PPAT: variants seen among roughly 807,000 people sequenced by gnomAD.
The protein encoded by PPAT is amidophosphoribosyltransferase.
A neutral mutation model predicts 60.2 loss-of-function variants in PPAT; 20 were observed. That is an observed-to-expected ratio of 0.33 (90% CI 0.23 to 0.48). The LOEUF (loss-of-function observed/expected upper bound fraction) is 0.48, where lower values mean the gene tolerates loss of function less well. Ranked by LOEUF, PPAT falls within the 20% of genes least tolerant of loss-of-function variation. The pLI is 0.99. For synonymous variants in PPAT, 194 were observed against 215.1 expected (o/e 0.90, Z 0.86); for missense variants, 349 against 629.6 (o/e 0.55, Z 4.77).
In PPAT at chr4:56,403,098, A is replaced by G. The variant is rs748374814; in HGVS notation, c.603T>C (p.Tyr201=). ...RDVIYAVRDP[Y]GNRPLCIGRL... is the part of the protein sequence containing the mutation. ...GACCAATGCATAAGGGACGATTTCC[A>G]TAAGGATCTCGTACTGCATAAATAA... Residue 201 remains tyrosine (Y), a synonymous_variant, in exon 5 of 11, where the codon TAT becomes TAC. Coordinates refer to ENST00000264220, the MANE Select transcript of PPAT (RefSeq NM_002703.5). The G allele has an allele frequency of 1.9e-6, 3 of 1,612,728 alleles. No individual in the cohort carries two copies. Among genetic ancestry groups the G allele is most frequent in the East Asian group, 2.2e-5 (1 of 44,846 alleles).
At chr4:56,401,650 TTCTTTATAATC>T (rs1716115001) in intron 6 of PPAT, among the ~76,000 whole-genome samples, 169 bp from the exon 7 acceptor site, 1 of 152,196 alleles carries the variant, frequency 6.6e-6, no homozygotes, top group Non-Finnish European at 1.5e-5. Flanking sequence ...CTGCAATGAT[TTCTTTATAATC>T]TCTCTGTAAA....
intron 1 of PPAT, among the ~76,000 whole-genome samples, chr4:56,434,941 G>A (rs891745936): frequency 2.0e-5 from 3 of 152,220 alleles, no homozygotes; most frequent in Admixed American, 6.5e-5. Context: ...TGAAGGACCT[G>A]GACTGGCCGC....
intron 1 of PPAT, chr4:56,421,832 T>TA (rs35295629): frequency 0.19 from 29,227 of 152,042 alleles, 3,147 homozygotes; most frequent in Admixed American, 0.33. Context: ...ATGATTCCAT[T>TA]AGTTATGTCA....
chr4:56,400,412 A>T (rs1716082885), intron 8 of PPAT: 1 of 158,492 alleles, frequency 6.3e-6, no homozygotes. Flanking sequence ...GTAGGTTATC[A>T]GTATTTAAGT....
At chr4:56,409,255 G>A (rs975796226) in intron 1 of PPAT, among the ~76,000 whole-genome samples, 1 of 152,158 alleles carries the variant, frequency 6.6e-6, no homozygotes, top group African/African-American at 2.4e-5. Flanking sequence ...GTGGTAGCCA[G>A]GATTCCAATG....
chr4:56,403,781 C>G (rs1716177336), intron 3 of PPAT, among the ~76,000 whole-genome samples: 1 of 152,116 alleles, frequency 6.6e-6, no homozygotes, highest in African/African-American at 2.4e-5. Context: ...TGATGGGAGA[C>G]AGTAACAGAT....
At chr4:56,416,872 T>C (rs1222425786) in intron 1 of PPAT, among the ~76,000 whole-genome samples, 1 of 152,184 alleles carries the variant, frequency 6.6e-6, no homozygotes, top group Non-Finnish European at 1.5e-5. Flanking sequence ...TCTTTTCTTT[T>C]CTAGTCTCAC....
At chr4:56,413,096 CAGG>C (rs1397583510) in intron 1 of PPAT, among the ~76,000 whole-genome samples, 1 of 152,074 alleles carries the variant, frequency 6.6e-6, no homozygotes, top group East Asian at 1.9e-4. Flanking sequence ...AGTACTGATT[CAGG>C]AGGATATAAT....
At position 56,396,506 on chromosome 4, in the gene PPAT, T is replaced by C; in HGVS notation, c.1357+113A>G. 4.7e-6 allele frequency: 5 copies of C among 1,064,322 alleles called. No individual in the cohort carries two copies. The highest frequency in any genetic ancestry group is 6.7e-6 in the Non-Finnish European group (5 of 747,684). 65.9% of individuals were successfully genotyped at this position (1,064,322 alleles called of 1,614,324 possible). A position where few individuals can be genotyped will look rare whatever the true frequency, so the allele number is the denominator to read the frequency against. On this transcript the variant is annotated intron_variant, in intron 10 of 10. Transcript: ENST00000264220. This position sits in a 1 kb window ranked among gnomAD's most constrained non-coding sequence, Gnocchi z 4.6. ...TAGTATTCAATATCTGTTTAACATA[T>C]ATAACTACTTTTAACAAACACTGAA...
chr4:56,429,826 T>C (rs1717489335), intron 1 of PPAT, among the ~76,000 whole-genome samples: 1 of 152,256 alleles, frequency 6.6e-6, no homozygotes, highest in Non-Finnish European at 1.5e-5. Context: ...CTATTCTCAC[T>C]TCTATCACCA....
At chr4:56,423,666 T>C (rs952788720) in intron 1 of PPAT, among the ~76,000 whole-genome samples, 4 of 151,930 alleles carry the variant, frequency 2.6e-5, no homozygotes, top group African/African-American at 9.7e-5. Flanking sequence ...CAAGTTTTTT[T>C]TTTTGTTTGG....
chr4:56,398,746 A>G (rs1716044189), intron 9 of PPAT, among the ~76,000 whole-genome samples: 1 of 152,164 alleles, frequency 6.6e-6, no homozygotes, highest in Non-Finnish European at 1.5e-5. Flanking sequence ...CACTGTGCCC[A>G]GCCTATTTTG....
chr4:56,429,046 A>AG, intron 1 of PPAT: 1 of 600,776 alleles, frequency 1.7e-6, no homozygotes, highest in Non-Finnish European at 2.1e-6. Context: ...ACACAGTGGA[A>AG]ACAACTTGTT....
intron 1 of PPAT, among the ~76,000 whole-genome samples, chr4:56,409,502 G>A (rs1327917285): frequency 6.6e-6 from 1 of 152,130 alleles, no homozygotes; most frequent in Non-Finnish European, 1.5e-5. Context: ...CTGCTGACCA[G>A]GCACCCTTTC....
At chr4:56,417,160 C>T (rs1443174627) in intron 1 of PPAT, among the ~76,000 whole-genome samples, 1 of 151,146 alleles carries the variant, frequency 6.6e-6, no homozygotes, top group East Asian at 2.0e-4. Context: ...CTTCTAATTT[C>T]TTATTGAAGC....
chr4:56,429,727 C>A (rs1351810511), intron 1 of PPAT, among the ~76,000 whole-genome samples: 3 of 152,140 alleles, frequency 2.0e-5, no homozygotes, highest in Non-Finnish European at 4.4e-5. Context: ...AGTAGACACA[C>A]CAAATCCACC....
intron 1 of PPAT, chr4:56,420,849 T>G (rs1717003472): frequency 6.6e-6 from 1 of 152,194 alleles, no homozygotes. Context: ...ACATACACAC[T>G]AAGACATGAT....
intron 1 of PPAT, chr4:56,410,902 A>T: frequency 3.7e-4 from 13 of 34,936 alleles, no homozygotes; most frequent in Non-Finnish European, 5.2e-4. Flanking sequence ...CTGAAGGTAA[A>T]AAAAAAAAAA....
intron 2 of PPAT, 69 bp downstream of exon 2, chr4:56,407,581 G>C: frequency 7.6e-7 from 1 of 1,322,638 alleles, no homozygotes; most frequent in Non-Finnish European, 1.1e-6. Flanking sequence ...GCCTGCCAAA[G>C]TCCTGGGATT....
Sources: allele counts gnomAD v4.1 joint callset (sites outside exome capture counted in the v4.1 genomes callset), GRCh38; gene constraint gnomAD v4.1.1; non-coding constraint Gnocchi (gnomAD v3.1); transcripts MANE v1.5; gene names NCBI Gene and HGNC (gene_info 2026-07-23, HGNC 2026-07-21).